CLVS1: variants seen among roughly 807,000 people sequenced by gnomAD.
CLVS1 encodes clavesin 1.
CLVS1 carries 10 observed loss-of-function variants against 33.1 expected under a neutral mutation model. The ratio of observed to expected loss-of-function variants is 0.30; its 90% confidence interval spans 0.19 to 0.51. CLVS1 has a LOEUF of 0.51. CLVS1 is among the 20% of genes least tolerant of loss of function. The pLI is 0.97. For synonymous variants in CLVS1, 163 were observed against 166.1 expected (o/e 0.98, Z 0.14); for missense variants, 343 against 433.4 (o/e 0.79, Z 1.85).
chr8:60,981,529 A>G, the CLVS1 span, among the ~76,000 whole-genome samples: 1 of 152,190 alleles, frequency 6.6e-6, no homozygotes. Context: ...GGGGACTCAT[A>G]CTCGCTGTTG....
chr8:61,354,439 A>T (rs532309738), intron 2 of CLVS1, among the ~76,000 whole-genome samples: 2 of 152,064 alleles, frequency 1.3e-5, no homozygotes, highest in Non-Finnish European at 2.9e-5. Context: ...AAAAAACTGT[A>T]CATGGGATTA....
chr8:61,110,354 C>A (rs111294230), intron 1 of CLVS1, among the ~76,000 whole-genome samples: 134 of 152,280 alleles, frequency 8.8e-4, no homozygotes, highest in African/African-American at 2.8e-3. Flanking sequence ...CCTTCCCTCT[C>A]TTCCTTTTTG....
At chr8:61,379,837 T>G (rs1813795591) in intron 3 of CLVS1, among the ~76,000 whole-genome samples, 1 of 152,184 alleles carries the variant, frequency 6.6e-6, no homozygotes, top group Admixed American at 6.5e-5. Context: ...AATGAGCATT[T>G]GCAGTTTGAC....
intron 2 of CLVS1, among the ~76,000 whole-genome samples, chr8:61,374,510 A>G (rs1344629459): frequency 1.3e-5 from 2 of 152,154 alleles, no homozygotes; most frequent in African/African-American, 4.8e-5. Flanking sequence ...TGTTCCTCTT[A>G]AATCAATGTT....
chr8:61,072,192 C>T (rs1804808794), intron 1 of CLVS1, among the ~76,000 whole-genome samples: 1 of 152,220 alleles, frequency 6.6e-6, no homozygotes, highest in Non-Finnish European at 1.5e-5. Flanking sequence ...TCCTCAGCTT[C>T]ACCCGCTGCC....
chr8:60,987,085 C>T, the CLVS1 span, among the ~76,000 whole-genome samples: 1 of 152,292 alleles, frequency 6.6e-6, no homozygotes, highest in South Asian at 2.1e-4. Context: ...TGCTCTCAGG[C>T]AAATGACAGT....
At chr8:61,384,194 A>AT (rs752622648) in intron 3 of CLVS1, among the ~76,000 whole-genome samples, 1 of 152,144 alleles carries the variant, frequency 6.6e-6, no homozygotes, top group African/African-American at 2.4e-5. Flanking sequence ...AATTAATTTA[A>AT]TTTTTTTGGA....
At chr8:61,351,086 T>C (rs113232770) in intron 2 of CLVS1, among the ~76,000 whole-genome samples, 1,662 of 152,218 alleles carry the variant, frequency 0.011, 12 homozygotes, top group South Asian at 0.019. Context: ...TGCTCAGGTA[T>C]GGATTTTTTT....
intron 5 of CLVS1, among the ~76,000 whole-genome samples, chr8:61,488,887 A>G (rs992563088): frequency 3.3e-5 from 5 of 152,174 alleles, no homozygotes; most frequent in Non-Finnish European, 5.9e-5. Flanking sequence ...TGCAAGTTCC[A>G]GGATGGGTGT....
chr8:61,061,688 C>G (rs921220784), intron 1 of CLVS1, among the ~76,000 whole-genome samples: 2 of 151,756 alleles, frequency 1.3e-5, no homozygotes, highest in African/African-American at 4.8e-5. Context: ...AACCGGTTAT[C>G]TTTTTTACGG....
At chr8:60,971,221 C>T in the CLVS1 span, among the ~76,000 whole-genome samples, 7 of 152,024 alleles carry the variant, frequency 4.6e-5, no homozygotes, top group South Asian at 2.1e-4. Flanking sequence ...GGACTACATG[C>T]GCCCACCACC....
chr8:60,988,503 C>A, the CLVS1 span, among the ~76,000 whole-genome samples: 2,539 of 151,458 alleles, frequency 0.017, 85 homozygotes, highest in African/African-American at 0.058. Flanking sequence ...CAGAGTCATT[C>A]TATGTAAAAC....
At chr8:61,208,579 C>T (rs1370999832) in intron 2 of CLVS1, among the ~76,000 whole-genome samples, 1 of 151,958 alleles carries the variant, frequency 6.6e-6, no homozygotes, top group African/African-American at 2.4e-5. Context: ...ACTAGATTGA[C>T]TGCACCCCAT....
At chr8:61,221,269 A>G (rs541468258) in intron 2 of CLVS1, among the ~76,000 whole-genome samples, 12 of 152,346 alleles carry the variant, frequency 7.9e-5, no homozygotes, top group Non-Finnish European at 1.8e-4. Flanking sequence ...GCCGGTTTGC[A>G]AAGGGAATGC....
At chr8:61,012,068 G>A in the CLVS1 span, among the ~76,000 whole-genome samples, 37 of 152,180 alleles carry the variant, frequency 2.4e-4, no homozygotes, top group Non-Finnish European at 3.5e-4. Context: ...CCCAGAATCC[G>A]CTCACCCAGG....
At chr8:61,126,106 G>A (rs1805963675) in intron 1 of CLVS1, among the ~76,000 whole-genome samples, 1 of 152,072 alleles carries the variant, frequency 6.6e-6, no homozygotes, top group Non-Finnish European at 1.5e-5. Context: ...GAGCCTTCTG[G>A]AGGTATGCCC....
At chr8:61,059,499 T>TATATATAC (rs1265187479) in intron 1 of CLVS1, among the ~76,000 whole-genome samples, 12 of 96,366 alleles carry the variant, frequency 1.2e-4, no homozygotes, top group South Asian at 1.2e-3. Flanking sequence ...TATATATATA[T>TATATATAC]ACACATATCT....
chr8:61,165,320 T>G (rs1192346856), intron 2 of CLVS1, among the ~76,000 whole-genome samples: 1 of 152,156 alleles, frequency 6.6e-6, no homozygotes, highest in African/African-American at 2.4e-5. Flanking sequence ...AGAGTGCAGT[T>G]GCAAGATTTA....
intron 2 of CLVS1, among the ~76,000 whole-genome samples, chr8:61,346,481 C>T (rs759407331): frequency 1.2e-4 from 19 of 152,164 alleles, no homozygotes; most frequent in South Asian, 2.1e-4. Context: ...AGATATGTTG[C>T]GCTCGCTACA....
Sources: gnomAD v4.1 joint callset for allele counts (sites outside exome capture counted in the v4.1 genomes callset) on GRCh38, gnomAD v4.1.1 for gene constraint, MANE v1.5 for transcripts, NCBI Gene and HGNC (gene_info 2026-07-23, HGNC 2026-07-21) for gene names.